The following PARP16 variants were observed in gnomAD, a reference collection of about 807,000 sequenced individuals.
PARP16 encodes the protein poly(ADP-ribose) polymerase family member 16, also known as protein mono-ADP-ribosyltransferase PARP16.
PARP16 carries 31 observed loss-of-function variants against 35.0 expected under a neutral mutation model. The ratio of observed to expected loss-of-function variants is 0.88; its 90% CI spans 0.66 to 1.19. The LOEUF (loss-of-function observed/expected upper bound fraction) is 1.19. Among genes scored for constraint, PARP16 ranks in the 50% most tolerant of loss-of-function variants. PARP16 has a pLI of 0.00. For missense variants in PARP16, 424 were observed against 411.2 expected (o/e 1.03, Z -0.27); for synonymous variants, 162 against 169.5 (o/e 0.96, Z 0.34).
chr15:65,231,865 T>G (rs184608121), downstream of PARP16, among the ~76,000 whole-genome samples: 1 of 152,330 alleles, frequency 6.6e-6, no homozygotes, highest in Admixed American at 6.5e-5. Context: ...ATTTTTTCCA[T>G]CTAGGATCAC....
exon 3 of PARP16, chr15:65,248,128 CCA>C (rs2089261035): frequency 1.1e-5 from 5 of 456,426 alleles, no homozygotes; most frequent in South Asian, 7.7e-5. Context: ...TCTCTACTTT[CCA>C]CAGTTCCTTT....
chr15:65,260,950 C>T lies in PARP16; in HGVS notation c.768G>A (p.Val256=). The change falls in exon 5 of 6, where the codon GTG becomes GTA. Residue 256 remains valine, a synonymous_variant. Coordinates refer to ENST00000649807, the MANE Select transcript of PARP16 (RefSeq NM_001316943.2). ...CTCGCAGCAGCTGGTTATTGGTGAC[C>T]ACGAAGTACTTGGGAGGGATGTCTC... ...EGGDIPPKYF[V]VTNNQLLRVK... 1 of 1,613,842 alleles carries T rather than the reference C, an allele frequency of 6.2e-7. No individual in the cohort carries two copies. Among genetic ancestry groups the T allele is most frequent in the Non-Finnish European group, 8.5e-7 (1 of 1,179,850 alleles).
rs190153141 is a variant in PARP16 at position 65,248,851 on chromosome 15, G to A, written c.203-623C>T. Among the ~76,000 whole-genome samples, 500 of 152,340 alleles carry A rather than the reference G, an allele frequency of 3.3e-3. 2 individuals carry two copies. The highest frequency in any genetic ancestry group is 4.5e-3 in the Non-Finnish European group (304 of 68,032). On this transcript the variant is annotated intron_variant and NMD_transcript_variant, in intron 2 of 3. Coordinates refer to the PARP16 transcript ENST00000559805. ...GTTAGGGAAGCAGATGTTATACGTT[G>A]TGGGGAGCTATGCCTTCCCAAGGAC... is the stretch of plus-strand genomic sequence containing the variant.
At chr15:65,285,745 G>A (rs530040715) in intron 1 of PARP16, among the ~76,000 whole-genome samples, 1 of 152,270 alleles carries the variant, frequency 6.6e-6, no homozygotes, top group East Asian at 1.9e-4. Flanking sequence ...GGTGAACTCT[G>A]CAAAAAAAGT....
At chr15:65,279,944 T>C (rs139740470) in intron 1 of PARP16, among the ~76,000 whole-genome samples, 113 of 151,950 alleles carry the variant, frequency 7.4e-4, no homozygotes, top group African/African-American at 2.6e-3. Context: ...GAGAGGCTTG[T>C]AAAGAATGAT....
At chr15:65,265,392 CAG>C (rs1273758180) in intron 3 of PARP16, among the ~76,000 whole-genome samples, 3 of 152,192 alleles carry the variant, frequency 2.0e-5, no homozygotes, top group Non-Finnish European at 2.9e-5. Flanking sequence ...ACCTGAGGCT[CAG>C]AGAGTTTAAT....
intron 3 of PARP16, among the ~76,000 whole-genome samples, chr15:65,239,430 A>AG (rs2088978550): frequency 2.3e-5 from 3 of 132,558 alleles, no homozygotes; most frequent in Non-Finnish European, 5.0e-5. Context: ...TGCCTAAAAA[A>AG]AAAAAAAAAA....
chr15:65,252,726 T>C (rs912615727), intron 2 of PARP16, among the ~76,000 whole-genome samples: 1 of 152,222 alleles, frequency 6.6e-6, no homozygotes, highest in African/African-American at 2.4e-5. Flanking sequence ...CCTAACTCAT[T>C]ACTAAAACCT....
intron 3 of PARP16, among the ~76,000 whole-genome samples, chr15:65,265,896 G>A (rs1380137175): frequency 6.6e-6 from 1 of 152,172 alleles, no homozygotes; most frequent in Non-Finnish European, 1.5e-5. Context: ...CTGGGATGCA[G>A]CCAGGCATCT....
intron 2 of PARP16, among the ~76,000 whole-genome samples, chr15:65,267,300 T>G (rs2089928209): frequency 6.7e-6 from 1 of 148,588 alleles, no homozygotes; most frequent in Non-Finnish European, 1.5e-5. Context: ...GAAGCATGAA[T>G]TGCTCCTTCT....
At chr15:65,268,878 C>T (rs146734039) in intron 2 of PARP16, among the ~76,000 whole-genome samples, 3,997 of 152,204 alleles carry the variant, frequency 0.026, 77 homozygotes, top group Admixed American at 0.036. Context: ...CCTCAGCCTC[C>T]CGAGCAGCTG....
At chr15:65,238,383 G>C (rs568765396) in intron 3 of PARP16, among the ~76,000 whole-genome samples, 1 of 152,142 alleles carries the variant, frequency 6.6e-6, no homozygotes. Flanking sequence ...TAGATGAAAA[G>C]AGAACTCTTG....
chr15:65,259,232 T>C lies in PARP16; in HGVS notation c.*175A>G. ...GACTAGTAGTCCCCGTTGACTGGAGTATGGCTGGGAACATCATCAAAGGCA... is the reference window on the plus strand; with the variant it reads ...GACTAGTAGTCCCCGTTGACTGGAGCATGGCTGGGAACATCATCAAAGGCA... On this transcript the variant is annotated 3_prime_UTR_variant, in exon 6 of 6. Transcript: ENST00000649807. 1 of 663,406 alleles carries C rather than the reference T, an allele frequency of 1.5e-6. No homozygotes were observed. The highest frequency in any genetic ancestry group is 1.9e-5 in the South Asian group (1 of 52,776). The allele number at this position is 663,406 out of a possible 1,614,324, so 41.1% of individuals were successfully genotyped here.
At chr15:65,273,607 A>C (rs1001180754) in intron 1 of PARP16, among the ~76,000 whole-genome samples, 1 of 151,660 alleles carries the variant, frequency 6.6e-6, no homozygotes, top group Non-Finnish European at 1.5e-5. Context: ...GGTTGGGTGC[A>C]GTGGCTCATG....
chr15:65,239,829 T>C lies in PARP16; in HGVS notation c.*98-5006A>G, dbSNP rs183441158. Reference sequence around the variant, plus strand: ...CTTCCACCACGCCTGGCTAATTTTTTGTATTTTTAGTAGAGACAGGGTTTC... The same window carrying C: ...CTTCCACCACGCCTGGCTAATTTTTCGTATTTTTAGTAGAGACAGGGTTTC... On this transcript the variant is annotated intron_variant and NMD_transcript_variant, in intron 3 of 3. Coordinates refer to the PARP16 transcript ENST00000559805. 8.4e-4 allele frequency among the ~76,000 whole-genome samples: 126 copies of C among 150,438 alleles called. 1 individual carries two copies. Among genetic ancestry groups the C allele is most frequent in the African/African-American group, 3.0e-3 (121 of 40,952 alleles).
rs923827410 is a variant in PARP16 at position 65,286,868 on chromosome 15, G to C, written c.-442C>G. 6.3e-6 allele frequency: 1 copy of C among 159,064 alleles called. No homozygotes were observed. The highest frequency in any genetic ancestry group is 1.4e-5 in the Non-Finnish European group (1 of 73,038). The allele number at this position is 159,064 out of a possible 1,614,324, so 9.9% of individuals were successfully genotyped here. A position where few individuals can be genotyped will look rare whatever the true frequency, so the allele number is the denominator to read the frequency against. On this transcript the variant is annotated 5_prime_UTR_variant, in exon 1 of 6. Coordinates refer to ENST00000649807, the MANE Select transcript of PARP16 (RefSeq NM_001316943.2). ...TCTCCGCGACGGGCGAGGCTGCTGC[G>C]CCGCGCGCGCCTTCCTGCCCCGCCT...
At chr15:65,282,757 T>C (rs760626531) in intron 1 of PARP16, 6 of 152,206 alleles carry the variant, frequency 3.9e-5, no homozygotes, top group Non-Finnish European at 5.9e-5. Context: ...TCTGTCTCTA[T>C]AGAGGAGGTG....
At position 65,286,694 on chromosome 15, in the gene PARP16, A is replaced by T. The variant is rs1161962510; in HGVS notation, c.-268T>A. On this transcript the variant is annotated 5_prime_UTR_variant, in exon 1 of 6. Transcript: ENST00000649807. ...GCGGGGAGGTTGGGCCCAGGGATAA[A>T]GGAACTGGGGCTGGTGGGGGGGAGG... 3.4e-5 allele frequency: 11 copies of T among 324,446 alleles called. No individual in the cohort carries two copies. The highest frequency in any genetic ancestry group is 7.2e-5 in the African/African-American group (3 of 41,450). 20.1% of individuals were successfully genotyped at this position (324,446 alleles called of 1,614,324 possible). A position where few individuals can be genotyped will look rare whatever the true frequency, so the allele number is the denominator to read the frequency against.
downstream of PARP16, among the ~76,000 whole-genome samples, chr15:65,257,629 C>CAAAAAAA (rs5813342): frequency 1.5e-5 from 1 of 66,910 alleles, no homozygotes. Flanking sequence ...GACTCTGTCT[C>CAAAAAAA]AAAAAAAAAA....
Sources: allele counts gnomAD v4.1 joint callset (sites outside exome capture counted in the v4.1 genomes callset), GRCh38; gene constraint gnomAD v4.1.1; transcripts MANE v1.5; gene names NCBI Gene and HGNC (gene_info 2026-07-23, HGNC 2026-07-21).